NRG1: variants seen among roughly 807,000 people sequenced by gnomAD.
NRG1 encodes the protein neuregulin 1.
In NRG1, 18 loss-of-function variants were observed where a neutral mutation model predicts 63.8. That is an observed-to-expected ratio of 0.28 (90% confidence interval 0.19 to 0.42). The LOEUF is 0.42. NRG1 is among the 10% of genes least tolerant of loss of function. The probability of loss-of-function intolerance (pLI) is 1.00; values close to 1 mark genes in which losing one functional copy is unlikely to be tolerated. For synonymous variants in NRG1, 302 were observed against 301.3 expected, an observed-to-expected ratio of 1.00 and a Z score of -0.02; for missense variants, 762 against 814.7, an observed-to-expected ratio of 0.94 and a Z score of 0.79.
chr8:32,763,340 A>T (rs1449660302), intron 11 of NRG1: 1 of 1,613,902 alleles, frequency 6.2e-7, no homozygotes, highest in Admixed American at 1.7e-5. Flanking sequence ...ATTCTCTAAG[A>T]CCCCTTGGCC....
chr8:32,357,870 A>G (rs191624453), intron 1 of NRG1, among the ~76,000 whole-genome samples: 1 of 152,306 alleles, frequency 6.6e-6, no homozygotes, highest in Non-Finnish European at 1.5e-5. Context: ...AGACAGTGTA[A>G]TAAGTACTCT....
intron 1 of NRG1, among the ~76,000 whole-genome samples, chr8:32,557,094 C>G (rs544471343): frequency 3.9e-5 from 6 of 152,250 alleles, no homozygotes; most frequent in East Asian, 1.9e-4. Flanking sequence ...CAAGCTCCCC[C>G]CACTGGGTTC....
intron 1 of NRG1, among the ~76,000 whole-genome samples, chr8:32,254,878 C>T (rs1849509902): frequency 6.6e-6 from 1 of 151,990 alleles, no homozygotes; most frequent in Admixed American, 6.6e-5. Context: ...TCTGGTTGCT[C>T]CTTGTATTTG....
At chr8:31,688,846 C>T (rs1408702290) in intron 1 of NRG1, among the ~76,000 whole-genome samples, 1 of 152,154 alleles carries the variant, frequency 6.6e-6, no homozygotes, top group Non-Finnish European at 1.5e-5. Flanking sequence ...CTTAAAGCAA[C>T]ACAAATTGTT....
intron 1 of NRG1, among the ~76,000 whole-genome samples, chr8:31,829,827 G>A (rs1348187501): frequency 6.6e-6 from 1 of 152,204 alleles, no homozygotes; most frequent in African/African-American, 2.4e-5. Context: ...CAAGAGGTGG[G>A]CTGGCCACGA....
chr8:31,742,339 A>G (rs1482118048), intron 1 of NRG1, among the ~76,000 whole-genome samples: 1 of 151,654 alleles, frequency 6.6e-6, no homozygotes, highest in African/African-American at 2.4e-5. Context: ...ATTTGAACAT[A>G]TTATTGTTCT....
intron 1 of NRG1, among the ~76,000 whole-genome samples, chr8:32,570,356 T>G (rs980504283): frequency 1.3e-5 from 2 of 152,234 alleles, no homozygotes; most frequent in Non-Finnish European, 2.9e-5. Context: ...CTGTACATTG[T>G]GCTAGGTTCT....
In NRG1 at chr8:32,537,195, C is replaced by CAAAAAAA. The variant is rs71208193; in HGVS notation, c.38-58614_38-58608dup. Among the ~76,000 whole-genome samples, 75 of 43,800 alleles carry CAAAAAAA rather than the reference C, an allele frequency of 1.7e-3. 4 individuals carry two copies. The highest frequency in any genetic ancestry group is 4.8e-3 in the African/African-American group (47 of 9,728). 28.7% of individuals were successfully genotyped at this position (43,800 alleles called of 152,430 possible). ...TCAGTGGCACAGTGAGACTCCATCT[C>CAAAAAAA]AAAAAAAAAAAAAAAAAAAAAAAAA... On this transcript the variant is annotated intron_variant, in intron 1 of 10. Transcript: ENST00000519301.
chr8:32,256,281 A>C (rs1233629002), intron 1 of NRG1, among the ~76,000 whole-genome samples: 3 of 151,952 alleles, frequency 2.0e-5, no homozygotes, highest in Admixed American at 2.0e-4. Flanking sequence ...GGTTTTTGGA[A>C]TTTTCAGGCT....
intron 5 of NRG1, among the ~76,000 whole-genome samples, chr8:32,704,818 A>G (rs1815916960): frequency 6.6e-6 from 1 of 152,218 alleles, no homozygotes; most frequent in South Asian, 2.1e-4. Context: ...GACAGGTTTT[A>G]TTGGTCCTGG....
At chr8:32,109,897 G>C (rs756917685) in intron 1 of NRG1, among the ~76,000 whole-genome samples, 5 of 152,098 alleles carry the variant, frequency 3.3e-5, no homozygotes, top group Admixed American at 6.5e-5. Flanking sequence ...AAAGCTCTGG[G>C]CTCCTTTGGA....
Position 32,571,759 on chromosome 8 carries a change from T to C in NRG1, c.100+22933T>C, listed in dbSNP as rs533187647. Among the ~76,000 whole-genome samples, 6 of 152,296 alleles carry C rather than the reference T, an allele frequency of 3.9e-5. No individual in the cohort carries two copies. The East Asian group carries it at 9.6e-4, about 24-fold the overall frequency. ...TACCAATAGGAGTAAATTGAGTGAC[T>C]TGCAATTAAGGTACAACAGAAGCAG... On this transcript the variant is annotated intron_variant, in intron 1 of 11. Transcript: ENST00000356819.
chr8:32,569,593 A>G (rs1337065333), intron 1 of NRG1, among the ~76,000 whole-genome samples: 1 of 152,178 alleles, frequency 6.6e-6, no homozygotes, highest in Non-Finnish European at 1.5e-5. Flanking sequence ...CTTTATTGCC[A>G]GGGAAGCACT....
At chr8:32,754,292 A>G in intron 7 of NRG1, 80 bp from the exon 8 acceptor site, 1 of 1,151,408 alleles carries the variant, frequency 8.7e-7, no homozygotes, top group Non-Finnish European at 1.3e-6. Context: ...AATGTCATGC[A>G]GCATGCCCAC....
At chr8:32,586,294 G>A (rs1016236429) in intron 1 of NRG1, among the ~76,000 whole-genome samples, 1 of 151,438 alleles carries the variant, frequency 6.6e-6, no homozygotes, top group Non-Finnish European at 1.5e-5. Flanking sequence ...ATACATTATA[G>A]TTGTTTTAAG....
In NRG1 at chr8:32,005,594, C is replaced by A. The variant is rs1017457479; in HGVS notation, c.37+366163C>A. 6.6e-5 allele frequency among the ~76,000 whole-genome samples: 10 copies of A among 152,094 alleles called. 2 individuals carry two copies. Among genetic ancestry groups the A allele is most frequent in the Admixed American group, 6.6e-5 (1 of 15,240 alleles). ...AGTTATTGAAAAAAGCAATTTTTCACATCAAGAATTTTTATTTATCTTAAA... is the reference window on the plus strand; with the variant it reads ...AGTTATTGAAAAAAGCAATTTTTCAAATCAAGAATTTTTATTTATCTTAAA... On this transcript the variant is annotated intron_variant, in intron 1 of 10. Transcript: ENST00000519301.
chr8:32,650,912 TG>T (rs1461787083), intron 5 of NRG1, among the ~76,000 whole-genome samples: 3 of 152,260 alleles, frequency 2.0e-5, no homozygotes, highest in Admixed American at 6.5e-5. Flanking sequence ...TGCACAGAGC[TG>T]TAGCCTTCAA....
chr8:32,623,686 G>A lies in NRG1; in HGVS notation c.502+6801G>A, dbSNP rs529991203. Among the ~76,000 whole-genome samples, 14 of 152,298 alleles carry A rather than the reference G, an allele frequency of 9.2e-5. No individual in the cohort carries two copies. In the South Asian group the frequency reaches 1.9e-3, roughly 20 times the overall value. On this transcript the variant is annotated intron_variant, in intron 5 of 11. Coordinates refer to ENST00000356819, the Ensembl canonical transcript of NRG1. ...GCTCGTATATTATAGCCATTCATAG[G>A]TGCAAGCAAGTTACTGCCTTCACAA... is the stretch of plus-strand genomic sequence containing the variant.
At chr8:32,402,629 G>A (rs1207791348) in intron 1 of NRG1, among the ~76,000 whole-genome samples, 2 of 152,104 alleles carry the variant, frequency 1.3e-5, no homozygotes, top group Non-Finnish European at 2.9e-5. Flanking sequence ...GGGTGCTTGT[G>A]TTGAAGTCAC....
Sources: allele counts gnomAD v4.1 joint callset (sites outside exome capture counted in the v4.1 genomes callset), GRCh38; gene constraint gnomAD v4.1.1; transcripts MANE v1.5; gene names NCBI Gene and HGNC (gene_info 2026-07-23, HGNC 2026-07-21).